TSPAN9: variants seen among roughly 807,000 people sequenced by gnomAD.
TSPAN9 encodes the protein tetraspanin 9, also known as tetraspanin-9.
Under a neutral mutation model 31.0 loss-of-function variants are expected in TSPAN9, and 16 were observed. The ratio of observed to expected loss-of-function variants is 0.52; its 90% CI spans 0.35 to 0.78. TSPAN9 has a LOEUF of 0.78. Ranked by LOEUF, TSPAN9 falls within the 30% of genes least tolerant of loss-of-function variation. The pLI is 0.01. For missense variants in TSPAN9, 272 were observed against 312.5 expected (o/e 0.87, Z 0.98); for synonymous variants, 145 against 121.6 (o/e 1.19, Z -1.27).
At chr12:3,077,797 G>A (rs2098295857) in intron 1 of TSPAN9, among the ~76,000 whole-genome samples, 3 of 152,160 alleles carry the variant, frequency 2.0e-5, no homozygotes. Context: ...GTGACCCCGT[G>A]CACCGCTTGG....
chr12:3,118,256 G>GTGTTTTTTTTTTTTTTTTTTTT, intron 2 of TSPAN9, among the ~76,000 whole-genome samples: 1 of 31,566 alleles, frequency 3.2e-5, no homozygotes, highest in East Asian at 1.5e-3. Context: ...TGCACCCGCC[G>GTGTTTTTTTTTTTTTTTTTTTT]TTTTTTTTTT....
intron 2 of TSPAN9, among the ~76,000 whole-genome samples, chr12:3,119,225 C>G (rs1439914259): frequency 6.6e-6 from 1 of 152,208 alleles, no homozygotes; most frequent in African/African-American, 2.4e-5. Flanking sequence ...GGAGGGAAGT[C>G]TCAGTGGTTT....
chr12:3,257,089 G>C (rs1345343222), intron 3 of TSPAN9, among the ~76,000 whole-genome samples: 1 of 152,142 alleles, frequency 6.6e-6, no homozygotes, highest in East Asian at 1.9e-4. Flanking sequence ...TCCCCACCAA[G>C]TTTCCAGCGA....
chr12:3,104,907 G>C (rs1044610810), intron 2 of TSPAN9, among the ~76,000 whole-genome samples: 5 of 152,210 alleles, frequency 3.3e-5, no homozygotes, highest in Admixed American at 2.6e-4. Flanking sequence ...CGGTCATTTA[G>C]GACAACAGTG....
chr12:3,247,323 T>G, intron 3 of TSPAN9, among the ~76,000 whole-genome samples: 1 of 26,996 alleles, frequency 3.7e-5, no homozygotes, highest in Non-Finnish European at 8.6e-5. Flanking sequence ...GCCACCCGCG[T>G]CCCCAAGTAG....
chr12:3,191,920 C>T (rs981540122), intron 2 of TSPAN9, among the ~76,000 whole-genome samples: 2 of 152,056 alleles, frequency 1.3e-5, no homozygotes, highest in South Asian at 4.2e-4. Context: ...TTAGTTTTGA[C>T]AGTGGGGGGC....
chr12:3,280,629 C>T lies in TSPAN9; in HGVS notation c.432+146C>T. 1.4e-6 allele frequency: 1 copy of T among 708,700 alleles called. No individual in the cohort carries two copies. The highest frequency in any genetic ancestry group is 2.4e-6 in the Non-Finnish European group (1 of 419,156). 43.9% of individuals were successfully genotyped at this position (708,700 alleles called of 1,614,324 possible). ...GGAGTGGTACCCACGGGGGCATTTG[C>T]CTGAACTGCTGAGTCAGATGTGATA... On this transcript the variant is annotated intron_variant, in intron 6 of 8. Transcript: ENST00000011898. The surrounding 1 kb of genome is among the most constrained non-coding windows in gnomAD (Gnocchi z 4.5).
At chr12:3,103,435 C>G (rs2098312751) in intron 2 of TSPAN9, among the ~76,000 whole-genome samples, 1 of 144,250 alleles carries the variant, frequency 6.9e-6, no homozygotes, top group South Asian at 2.1e-4. Context: ...TTGAACACTT[C>G]TGGTGTGCAG....
chr12:3,249,587 C>A (rs918584491), intron 3 of TSPAN9, among the ~76,000 whole-genome samples: 1 of 152,236 alleles, frequency 6.6e-6, no homozygotes, highest in Non-Finnish European at 1.5e-5. Flanking sequence ...GAGGGCCGAG[C>A]CCATGTCTGA....
intron 3 of TSPAN9, among the ~76,000 whole-genome samples, chr12:3,270,389 G>A (rs1008842232): frequency 6.6e-5 from 10 of 152,160 alleles, no homozygotes; most frequent in African/African-American, 2.4e-4. Context: ...CCCTTCTCTG[G>A]TCCTTGCTAT....
chr12:3,166,032 A>G (rs1215932732), intron 2 of TSPAN9, among the ~76,000 whole-genome samples: 1 of 152,184 alleles, frequency 6.6e-6, no homozygotes. Context: ...AATTATAGGC[A>G]TCTGAGTCAA....
rs7971265 is a variant in TSPAN9 at position 3,203,538 on chromosome 12, A to C, written c.63+2282A>C. Among the ~76,000 whole-genome samples, 317 of 152,304 alleles carry C rather than the reference A, an allele frequency of 2.1e-3. 1 individual carries two copies. The highest frequency in any genetic ancestry group is 7.3e-3 in the African/African-American group (305 of 41,570). On this transcript the variant is annotated intron_variant, in intron 3 of 8. Coordinates refer to ENST00000011898, the MANE Select transcript of TSPAN9 (RefSeq NM_006675.5). ...TTTTCGTTACGGTTGATAGCGAGAG[A>C]ACTTGCTGTCGCTTCCTAATTAGAA...
intron 3 of TSPAN9, among the ~76,000 whole-genome samples, chr12:3,232,886 G>T (rs766468982): frequency 2.6e-5 from 4 of 152,196 alleles, no homozygotes; most frequent in Non-Finnish European, 5.9e-5. Flanking sequence ...AAGTTTTCTT[G>T]CTGGGCCTGG....
intron 2 of TSPAN9, among the ~76,000 whole-genome samples, chr12:3,171,135 C>G (rs1342073883): frequency 6.6e-6 from 1 of 152,168 alleles, no homozygotes. Flanking sequence ...CGCGCCGAGA[C>G]CTTCTGACTT....
intron 2 of TSPAN9, among the ~76,000 whole-genome samples, chr12:3,095,182 T>TG (rs1185387532): frequency 8.9e-6 from 1 of 111,752 alleles, no homozygotes; most frequent in Non-Finnish European, 1.9e-5. Context: ...AGCACAGGGT[T>TG]GGGGGTAAGG....
intron 2 of TSPAN9, among the ~76,000 whole-genome samples, chr12:3,084,966 G>C (rs2153962096): frequency 6.6e-6 from 1 of 152,326 alleles, no homozygotes. Context: ...GCCTCCCTGG[G>C]GCCCGGATGG....
intron 2 of TSPAN9, among the ~76,000 whole-genome samples, chr12:3,151,710 G>A (rs936771279): frequency 7.9e-5 from 12 of 152,116 alleles, no homozygotes; most frequent in African/African-American, 2.2e-4. Context: ...AGCCTCCAAC[G>A]TGAAATGTCT....
chr12:3,135,959 T>G (rs1200190087), intron 2 of TSPAN9, among the ~76,000 whole-genome samples: 1 of 151,924 alleles, frequency 6.6e-6, no homozygotes, highest in African/African-American at 2.4e-5. Flanking sequence ...GCTGGCTGGG[T>G]TTTCAGTGTC....
At chr12:3,186,936 C>A (rs759901730) in intron 2 of TSPAN9, among the ~76,000 whole-genome samples, 6 of 152,182 alleles carry the variant, frequency 3.9e-5, no homozygotes, top group Non-Finnish European at 7.3e-5. Flanking sequence ...CCTACTTGTA[C>A]TGGTTCTTGA....
Sources: allele counts gnomAD v4.1 joint callset (sites outside exome capture counted in the v4.1 genomes callset), GRCh38; gene constraint gnomAD v4.1.1; non-coding constraint Gnocchi (gnomAD v3.1); transcripts MANE v1.5; gene names NCBI Gene and HGNC (gene_info 2026-07-23, HGNC 2026-07-21).